Variants in DCAF10 observed in about 807,000 individuals in gnomAD.
DCAF10 encodes the protein DDB1- and CUL4-associated factor 10.
Under a neutral mutation model 51.9 loss-of-function variants are expected in DCAF10, and 19 were observed. The observed-to-expected ratio is 0.37, with a 90% confidence interval of 0.26 to 0.54. The LOEUF is 0.54. Ranked by LOEUF, DCAF10 falls within the 20% of genes least tolerant of loss-of-function variation. The pLI is 0.87. For missense variants in DCAF10, 510 were observed against 730.6 expected (o/e 0.70, Z 3.48); for synonymous variants, 291 against 297.1 (o/e 0.98, Z 0.21).
chr9:37,861,572 T>C lies in DCAF10; in HGVS notation c.*64T>C, dbSNP rs1831018374. 9.1e-6 allele frequency: 14 copies of C among 1,533,934 alleles called. No individual in the cohort carries two copies. The highest frequency in any genetic ancestry group is 1.8e-4 in the Middle Eastern group (1 of 5,474). On this transcript the variant is annotated 3_prime_UTR_variant, in exon 7 of 7. Transcript: ENST00000377724. The surrounding 1 kb of genome is among the most constrained non-coding windows in gnomAD (Gnocchi z 4.9). ...GACTTAGGAATTGCTTCAATTTAGA[T>C]GAAGTATTTTCTTTTTAGAAGATCT... is the stretch of plus-strand genomic sequence containing the variant.
At chr9:37,831,152 G>C (rs1262645500) in intron 2 of DCAF10, among the ~76,000 whole-genome samples, 2 of 152,216 alleles carry the variant, frequency 1.3e-5, no homozygotes, top group African/African-American at 2.4e-5. Context: ...AGGAGGCAGA[G>C]GTTGCAGTGA....
chr9:37,828,644 A>G (rs1029728707), intron 2 of DCAF10, among the ~76,000 whole-genome samples: 1 of 152,120 alleles, frequency 6.6e-6, no homozygotes, highest in African/African-American at 2.4e-5. Context: ...GTGCATGCCT[A>G]TAGTATGTAG....
Position 37,861,005 on chromosome 9 carries a change from G to A in DCAF10, c.1312-135G>A. 1 of 1,232,864 alleles carries A rather than the reference G, an allele frequency of 8.1e-7. No individual in the cohort carries two copies. The highest frequency in any genetic ancestry group is 1.6e-5 in the South Asian group (1 of 60,718). The allele number at this position is 1,232,864 out of a possible 1,614,324, so 76.4% of individuals were successfully genotyped here. On this transcript the variant is annotated intron_variant, in intron 6 of 6. Coordinates refer to ENST00000377724, the MANE Select transcript of DCAF10 (RefSeq NM_024345.5). The surrounding 1 kb of genome is among the most constrained non-coding windows in gnomAD (Gnocchi z 4.9). ...TACAAGTTTTGTTAGTTGGGAGGGG[G>A]ATAGCATTATTCTGAGTGATTTCTT...
intron 2 of DCAF10, among the ~76,000 whole-genome samples, chr9:37,834,269 G>T (rs1412958051): frequency 2.6e-5 from 4 of 152,044 alleles, no homozygotes; most frequent in African/African-American, 9.7e-5. Context: ...TTACTAAACA[G>T]CAACTTCCAA....
At chr9:37,843,970 A>G (rs1033607669) in intron 3 of DCAF10, among the ~76,000 whole-genome samples, 2 of 152,254 alleles carry the variant, frequency 1.3e-5, no homozygotes, top group African/African-American at 4.8e-5. Flanking sequence ...AAAACAAACA[A>G]TTATACGTCA....
Position 37,818,290 on chromosome 9 carries a change from G to A in DCAF10, c.540-998G>A, listed in dbSNP as rs192465503. Among the ~76,000 whole-genome samples the A allele has an allele frequency of 2.2e-4, 34 of 152,198 alleles. No homozygotes were observed. In the East Asian group the frequency reaches 3.7e-3, roughly 16 times the overall value. ...ATCACAGGCGTGGGCCACCGCACCCGGCCAAGATTTCAACTTAATGGTTGT... is the reference window on the plus strand; with the variant it reads ...ATCACAGGCGTGGGCCACCGCACCCAGCCAAGATTTCAACTTAATGGTTGT... On this transcript the variant is annotated intron_variant, in intron 1 of 6. Coordinates refer to ENST00000377724, the MANE Select transcript of DCAF10 (RefSeq NM_024345.5).
intron 3 of DCAF10, among the ~76,000 whole-genome samples, chr9:37,852,425 C>A (rs991302204): frequency 6.6e-6 from 1 of 152,002 alleles, no homozygotes; most frequent in Non-Finnish European, 1.5e-5. Context: ...CAGCAAGACC[C>A]CATCTCTACA....
intron 2 of DCAF10, among the ~76,000 whole-genome samples, chr9:37,835,154 G>A (rs1029882271): frequency 1.3e-5 from 2 of 152,146 alleles, no homozygotes; most frequent in Non-Finnish European, 2.9e-5. Flanking sequence ...CATCATCAGG[G>A]CCGGGCGCAG....
chr9:37,819,449 G>A (rs184522240), intron 2 of DCAF10, 48 bp downstream of exon 2: 5 of 1,413,276 alleles, frequency 3.5e-6, no homozygotes, highest in Non-Finnish European at 5.0e-6. Context: ...GGCCCAAAAT[G>A]TTCTGTTTTG....
chr9:37,850,005 G>A (rs972180423), intron 3 of DCAF10, among the ~76,000 whole-genome samples: 1 of 152,184 alleles, frequency 6.6e-6, no homozygotes, highest in Non-Finnish European at 1.5e-5. Flanking sequence ...GTTTCAGTGA[G>A]CCATGATTGC....
chr9:37,847,339 A>G (rs1229896943), intron 3 of DCAF10, among the ~76,000 whole-genome samples: 1 of 151,482 alleles, frequency 6.6e-6, no homozygotes, highest in Non-Finnish European at 1.5e-5. Context: ...ACAAAATATT[A>G]GCAAATCTAA....
At chr9:37,836,168 T>C in intron 2 of DCAF10, 3 of 1,425,328 alleles carry the variant, frequency 2.1e-6, no homozygotes, top group Non-Finnish European at 3.0e-6. Flanking sequence ...TATCAGTGCA[T>C]ATTTATAAGA....
intron 3 of DCAF10, among the ~76,000 whole-genome samples, chr9:37,850,866 ATATATATATATATAT>A (rs1564048866): frequency 7.4e-5 from 6 of 80,838 alleles, no homozygotes; most frequent in Non-Finnish European, 1.5e-4. Flanking sequence ...ATATATATAT[ATATATATATATATAT>A]AAATTAGCTT....
upstream of DCAF10, chr9:37,800,666 C>G: frequency 6.5e-7 from 1 of 1,535,984 alleles, no homozygotes; most frequent in Non-Finnish European, 8.7e-7. Context: ...TCGCTCCCTA[C>G]CTCCGTTCCC....
At chr9:37,825,671 A>G (rs895292924) in intron 2 of DCAF10, among the ~76,000 whole-genome samples, 3 of 152,146 alleles carry the variant, frequency 2.0e-5, no homozygotes, top group African/African-American at 4.8e-5. Context: ...GCAAACCTCT[A>G]TGACACAAGT....
intron 1 of DCAF10, among the ~76,000 whole-genome samples, chr9:37,817,829 A>T (rs1468220414): frequency 6.6e-6 from 1 of 152,186 alleles, no homozygotes; most frequent in Non-Finnish European, 1.5e-5. Flanking sequence ...TTACAAAAAG[A>T]AATAGCTATT....
chr9:37,837,182 C>G (rs963553388), intron 2 of DCAF10, among the ~76,000 whole-genome samples: 2 of 152,078 alleles, frequency 1.3e-5, no homozygotes, highest in African/African-American at 4.8e-5. Context: ...CAAAGCAGGC[C>G]GGGCACGGTG....
At chr9:37,804,887 G>T (rs1829066967) in intron 1 of DCAF10, among the ~76,000 whole-genome samples, 3 of 152,042 alleles carry the variant, frequency 2.0e-5, no homozygotes, top group Admixed American at 2.0e-4. Context: ...ATTTCAATAT[G>T]CTAGGAAAAA....
intron 1 of DCAF10, among the ~76,000 whole-genome samples, chr9:37,814,338 A>T (rs1829464026): frequency 2.6e-5 from 3 of 113,714 alleles, no homozygotes; most frequent in South Asian, 6.4e-4. Context: ...TTTAGTAGAG[A>T]TGGGTTTCAC....
Sources: allele counts gnomAD v4.1 joint callset (sites outside exome capture counted in the v4.1 genomes callset), GRCh38; gene constraint gnomAD v4.1.1; non-coding constraint Gnocchi (gnomAD v3.1); transcripts MANE v1.5; gene names NCBI Gene and HGNC (gene_info 2026-07-23, HGNC 2026-07-21).